Variants in NCOA2 observed in about 807,000 individuals in gnomAD.
NCOA2 encodes class E basic helix-loop-helix protein 75.
In NCOA2, 21 loss-of-function variants were observed where a neutral mutation model predicts 145.1. The ratio of observed to expected loss-of-function variants is 0.14; its 90% CI spans 0.10 to 0.21. NCOA2 has a LOEUF of 0.21. NCOA2 is among the 10% of genes least tolerant of loss of function. The pLI, the probability that NCOA2 is intolerant of heterozygous loss-of-function variation, is 1.00. For missense variants in NCOA2, 1,472 were observed against 1,837.6 expected (o/e 0.80, Z 3.64); for synonymous variants, 619 against 637.5 (o/e 0.97, Z 0.44).
intron 1 of NCOA2, among the ~76,000 whole-genome samples, chr8:70,386,133 G>A (rs1377325283): frequency 6.6e-6 from 1 of 152,074 alleles, no homozygotes. Flanking sequence ...CAGACAAAGG[G>A]ATCTTCAAGT....
chr8:70,367,061 A>G (rs1277182835), intron 1 of NCOA2, among the ~76,000 whole-genome samples: 1 of 152,232 alleles, frequency 6.6e-6, no homozygotes, highest in Non-Finnish European at 1.5e-5. Context: ...CTAAAGGACA[A>G]TAATAGCAAC....
At chr8:70,294,403 C>T (rs1422300227) in intron 2 of NCOA2, among the ~76,000 whole-genome samples, 3 of 152,108 alleles carry the variant, frequency 2.0e-5, no homozygotes, top group South Asian at 4.1e-4. Flanking sequence ...AATAGCATAT[C>T]ATGTTTACAA....
intron 16 of NCOA2, among the ~76,000 whole-genome samples, chr8:70,130,100 C>T (rs1398528455): frequency 6.6e-6 from 1 of 152,186 alleles, no homozygotes; most frequent in Non-Finnish European, 1.5e-5. Context: ...AGCCAGGAGC[C>T]CACTGCCCTC....
intron 1 of NCOA2, among the ~76,000 whole-genome samples, chr8:70,333,976 T>C (rs1563774600): frequency 6.6e-6 from 1 of 152,176 alleles, no homozygotes; most frequent in East Asian, 1.9e-4. Flanking sequence ...TTGCTACTAC[T>C]ACCCTAGTCC....
intron 21 of NCOA2, among the ~76,000 whole-genome samples, chr8:70,121,994 A>C (rs900545285): frequency 2.0e-5 from 3 of 152,232 alleles, no homozygotes; most frequent in Non-Finnish European, 4.4e-5. Context: ...ATGGGATTCA[A>C]ATGGTTTAAA....
chr8:70,353,205 C>G (rs1221458981), intron 1 of NCOA2, among the ~76,000 whole-genome samples: 3 of 151,718 alleles, frequency 2.0e-5, no homozygotes, highest in African/African-American at 7.3e-5. Flanking sequence ...GGAAAACCAA[C>G]CACCTTAAGA....
At chr8:70,159,372 T>G in intron 10 of NCOA2, 133 bp downstream of exon 10, 1 of 859,624 alleles carries the variant, frequency 1.2e-6, no homozygotes. Context: ...CAATTTAATT[T>G]TATATTTTAC....
intron 4 of NCOA2, among the ~76,000 whole-genome samples, chr8:70,181,810 T>G (rs764163313): frequency 3.9e-4 from 60 of 152,338 alleles, no homozygotes; most frequent in South Asian, 8.3e-4. Context: ...TATGTTTTCC[T>G]GCATTAAGGA....
intron 1 of NCOA2, among the ~76,000 whole-genome samples, chr8:70,307,922 G>T (rs2135954975): frequency 6.6e-6 from 1 of 152,194 alleles, no homozygotes; most frequent in East Asian, 1.9e-4. Context: ...GTATTGAAAA[G>T]GAATCTAGTA....
chr8:70,363,853 T>C (rs1038519064), intron 1 of NCOA2, among the ~76,000 whole-genome samples: 2 of 152,128 alleles, frequency 1.3e-5, no homozygotes, highest in East Asian at 1.9e-4. Flanking sequence ...GATCTTACTG[T>C]ATATAAACTG....
chr8:70,250,670 AAC>A (rs1392194238), intron 2 of NCOA2, among the ~76,000 whole-genome samples: 1 of 152,162 alleles, frequency 6.6e-6, no homozygotes, highest in Non-Finnish European at 1.5e-5. Context: ...AATGTTAAAA[AAC>A]AGAGTCCACT....
the NCOA2 span, among the ~76,000 whole-genome samples, chr8:70,441,643 G>A: frequency 5.5e-5 from 8 of 146,780 alleles, no homozygotes; most frequent in Non-Finnish European, 1.2e-4. Context: ...TCAGGCCCCT[G>A]AGAATCTGCA....
At chr8:70,287,027 G>C (rs1407205114) in intron 2 of NCOA2, among the ~76,000 whole-genome samples, 2 of 152,116 alleles carry the variant, frequency 1.3e-5, no homozygotes, top group Admixed American at 6.5e-5. Flanking sequence ...CGGATCACTT[G>C]AGCCCGGGAG....
At chr8:70,134,836 C>T (rs1809545430) in intron 15 of NCOA2, among the ~76,000 whole-genome samples, 1 of 152,170 alleles carries the variant, frequency 6.6e-6, no homozygotes, top group African/African-American at 2.4e-5. Flanking sequence ...TCCAGACCGT[C>T]CCACTTTGGT....
intron 1 of NCOA2, among the ~76,000 whole-genome samples, chr8:70,335,556 G>A (rs1807511640): frequency 6.6e-6 from 1 of 152,076 alleles, no homozygotes; most frequent in Non-Finnish European, 1.5e-5. Context: ...TTTTCACCTT[G>A]TAAAACCAAA....
intron 9 of NCOA2, among the ~76,000 whole-genome samples, chr8:70,160,396 G>C (rs894331065): frequency 3.3e-5 from 5 of 151,912 alleles, no homozygotes; most frequent in African/African-American, 1.2e-4. Flanking sequence ...AAATCAACTA[G>C]GTTAATATAA....
intron 1 of NCOA2, among the ~76,000 whole-genome samples, chr8:70,369,141 T>C (rs1328043056): frequency 6.6e-6 from 1 of 152,236 alleles, no homozygotes; most frequent in African/African-American, 2.4e-5. Flanking sequence ...TGATTTTCTA[T>C]CCATTATCAA....
At chr8:70,444,809 ATAT>A in the NCOA2 span, among the ~76,000 whole-genome samples, 125 of 152,334 alleles carry the variant, frequency 8.2e-4, no homozygotes, top group African/African-American at 2.9e-3. Flanking sequence ...TAAAACATTA[ATAT>A]TATTTTTAAT....
the NCOA2 span, among the ~76,000 whole-genome samples, chr8:70,444,217 A>G: frequency 2.0e-4 from 31 of 152,324 alleles, no homozygotes; most frequent in South Asian, 6.2e-3. Context: ...ATACACAACA[A>G]CTTGAATAGA....
Sources: gnomAD v4.1 joint callset for allele counts (sites outside exome capture counted in the v4.1 genomes callset) on GRCh38, gnomAD v4.1.1 for gene constraint, MANE v1.5 for transcripts, NCBI Gene and HGNC (gene_info 2026-07-23, HGNC 2026-07-21) for gene names.